Variants in GPR107 observed in about 807,000 individuals in gnomAD.
GPR107 encodes the protein protein GPR107.
Under a neutral mutation model 75.5 loss-of-function variants are expected in GPR107, and 31 were observed. The ratio of observed to expected loss-of-function variants is 0.41; its 90% CI spans 0.31 to 0.55. GPR107 has a LOEUF of 0.55. Among genes scored for constraint, GPR107 ranks in the 20% least tolerant of loss-of-function variants. The pLI is 0.26. For missense variants in GPR107, 572 were observed against 665.7 expected (o/e 0.86, Z 1.55); for synonymous variants, 267 against 251.3 (o/e 1.06, Z -0.59).
intron 17 of GPR107, chr9:130,129,052 T>C (rs920841365): frequency 1.6e-4 from 42 of 262,744 alleles, no homozygotes; most frequent in Admixed American, 1.1e-3. Flanking sequence ...GGAATATACG[T>C]GGCCAGTTCA....
intron 6 of GPR107, among the ~76,000 whole-genome samples, chr9:130,084,405 TA>T (rs11331231): frequency 0.29 from 39,649 of 136,388 alleles, 5,219 homozygotes; most frequent in Middle Eastern, 0.41. Context: ...CAAAAAAAGT[TA>T]AAAAAAAAAA....
intron 1 of GPR107, among the ~76,000 whole-genome samples, chr9:130,069,878 G>A (rs1392148605): frequency 6.6e-6 from 1 of 150,890 alleles, no homozygotes; most frequent in African/African-American, 2.4e-5. Flanking sequence ...TAGAGATGGG[G>A]TTTCATCATG....
chr9:130,105,246 T>C (rs1156439610), intron 13 of GPR107, among the ~76,000 whole-genome samples: 3 of 151,726 alleles, frequency 2.0e-5, no homozygotes, highest in Non-Finnish European at 4.4e-5. Flanking sequence ...CCATTACAAG[T>C]GCTTCTTTTT....
At chr9:130,132,673 G>A (rs1328088515) in intron 17 of GPR107, among the ~76,000 whole-genome samples, 9 of 151,978 alleles carry the variant, frequency 5.9e-5, no homozygotes, top group African/African-American at 2.2e-4. Flanking sequence ...TATAATCCAG[G>A]TACTTGGGAG....
At chr9:130,064,104 C>G (rs1409206047) in intron 1 of GPR107, among the ~76,000 whole-genome samples, 1 of 151,382 alleles carries the variant, frequency 6.6e-6, no homozygotes, top group African/African-American at 2.4e-5. Flanking sequence ...TGAGCCACTG[C>G]GCCCAGCCAG....
Position 130,086,533 on chromosome 9 carries a change from T to C in GPR107, c.621+57T>C, listed in dbSNP as rs936311418. 5 of 1,005,318 alleles carry C rather than the reference T, an allele frequency of 5.0e-6. No homozygotes were observed. In the African/African-American group the frequency reaches 8.0e-5, roughly 16 times the overall value. 62.3% of individuals were successfully genotyped at this position (1,005,318 alleles called of 1,614,324 possible). A position where few individuals can be genotyped will look rare whatever the true frequency, so the allele number is the denominator to read the frequency against. On this transcript the variant is annotated intron_variant, in intron 7 of 17. Coordinates refer to ENST00000347136, the MANE Select transcript of GPR107 (RefSeq NM_020960.5). Reference sequence around the variant, plus strand: ...AATTTCTCTCTACCATGTAAAAGGGTAATTTTTTTTTAGAGGAATTTTGAA... The same window carrying C: ...AATTTCTCTCTACCATGTAAAAGGGCAATTTTTTTTTAGAGGAATTTTGAA...
chr9:130,119,158 G>A (rs991583108), intron 14 of GPR107, among the ~76,000 whole-genome samples: 2 of 152,174 alleles, frequency 1.3e-5, no homozygotes, highest in African/African-American at 2.4e-5. Flanking sequence ...GCGACCTGCT[G>A]CCTGGCTGCT....
intron 1 of GPR107, among the ~76,000 whole-genome samples, chr9:130,070,046 CAGGCTGG>C (rs1186925935): frequency 2.2e-5 from 3 of 136,526 alleles, no homozygotes; most frequent in South Asian, 4.7e-4. Flanking sequence ...CTCTGTTGCC[CAGGCTGG>C]AGTGCAGTGG....
At chr9:130,128,535 C>A in intron 16 of GPR107, 105 bp from the exon 17 acceptor site, 1 of 934,510 alleles carries the variant, frequency 1.1e-6, no homozygotes, top group Non-Finnish European at 1.7e-6. Flanking sequence ...AAAGAACCAT[C>A]GAGTGGTGGG....
At chr9:130,119,148 G>T (rs1831493359) in intron 14 of GPR107, among the ~76,000 whole-genome samples, 1 of 152,200 alleles carries the variant, frequency 6.6e-6, no homozygotes, top group Non-Finnish European at 1.5e-5. Context: ...ACCCCAGGCT[G>T]CGACCTGCTG....
intron 1 of GPR107, among the ~76,000 whole-genome samples, chr9:130,061,536 A>G (rs1283525605): frequency 6.6e-6 from 1 of 152,170 alleles, no homozygotes; most frequent in African/African-American, 2.4e-5. Flanking sequence ...CCTGGAGGCC[A>G]TGGTAGGATG....
intron 15 of GPR107, 115 bp downstream of exon 15, chr9:130,125,079 A>G: frequency 3.0e-6 from 1 of 333,076 alleles, no homozygotes; most frequent in Non-Finnish European, 5.3e-6. Context: ...GGAGCTGAGC[A>G]GTGTGGCTTG....
At chr9:130,116,175 C>T (rs1831424769) in intron 14 of GPR107, among the ~76,000 whole-genome samples, 1 of 152,136 alleles carries the variant, frequency 6.6e-6, no homozygotes, top group East Asian at 1.9e-4. Flanking sequence ...CTTTTTTAGG[C>T]CTTTAAAGTG....
At chr9:130,107,193 G>A (rs1343002894) in intron 13 of GPR107, among the ~76,000 whole-genome samples, 2 of 152,180 alleles carry the variant, frequency 1.3e-5, no homozygotes, top group African/African-American at 4.8e-5. Flanking sequence ...TGGGTAGGGG[G>A]TGGTTGTGGG....
At chr9:130,114,901 T>C (rs1831384949) in intron 14 of GPR107, among the ~76,000 whole-genome samples, 1 of 152,220 alleles carries the variant, frequency 6.6e-6, no homozygotes, top group Non-Finnish European at 1.5e-5. Context: ...ATTAAGCTTA[T>C]TCCAGACTTA....
chr9:130,114,742 G>A (rs937904958), intron 14 of GPR107: 178 of 995,838 alleles, frequency 1.8e-4, no homozygotes, highest in Non-Finnish European at 2.0e-4. Flanking sequence ...AAAAACTTGG[G>A]GTCTTTAGGA....
intron 7 of GPR107, among the ~76,000 whole-genome samples, chr9:130,088,768 A>G (rs1160748983): frequency 6.6e-6 from 1 of 152,216 alleles, no homozygotes; most frequent in African/African-American, 2.4e-5. Context: ...TCCAAGGCCC[A>G]TGTGTTTAAC....
intron 1 of GPR107, among the ~76,000 whole-genome samples, chr9:130,059,344 C>T (rs1197710521): frequency 1.3e-5 from 2 of 151,994 alleles, no homozygotes; most frequent in Non-Finnish European, 2.9e-5. Context: ...AAAAATTAGC[C>T]GAGTGCGGTG....
chr9:130,077,346 C>A lies in GPR107; in HGVS notation c.354C>A (p.Val118=). ...YCILKKQSVS[V]TLLILDISRS... The stretch of plus-strand genomic sequence containing the variant: ...TTTTAAAGAAACAGTCTGTCTCTGT[C>A]ACCCTTTTAATCCTAGACATCTCCA... The change falls in exon 4 of 18, where the codon GTC becomes GTA. Residue 118 remains valine (V), a synonymous_variant. Coordinates refer to ENST00000347136, the MANE Select transcript of GPR107 (RefSeq NM_020960.5). 6.4e-7 allele frequency: 1 copy of A among 1,571,896 alleles called. No homozygotes were observed. The highest frequency in any genetic ancestry group is 8.8e-7 in the Non-Finnish European group (1 of 1,141,422).
Sources: gnomAD v4.1 joint callset for allele counts (sites outside exome capture counted in the v4.1 genomes callset) on GRCh38, gnomAD v4.1.1 for gene constraint, MANE v1.5 for transcripts, NCBI Gene and HGNC (gene_info 2026-07-23, HGNC 2026-07-21) for gene names.